HMCN1: variants seen among roughly 807,000 people sequenced by gnomAD.
HMCN1 encodes the protein hemicentin 1, also known as hemicentin-1.
In HMCN1, 321 loss-of-function variants were observed where a neutral mutation model predicts 625.9. That is an observed-to-expected ratio of 0.51 (90% CI 0.47 to 0.56). The LOEUF (loss-of-function observed/expected upper bound fraction) is 0.56, where lower values mean the gene tolerates loss of function less well. Among genes scored for constraint, HMCN1 ranks in the 20% least tolerant of loss-of-function variants. The pLI, the probability that HMCN1 is intolerant of heterozygous loss-of-function variation, is 0.00. For missense variants in HMCN1, 6,588 were observed against 6,887.3 expected (o/e 0.96, Z 1.54); for synonymous variants, 2,425 against 2,417.6 (o/e 1.00, Z -0.09).
At chr1:185,755,828 G>A (rs1043027675) in intron 1 of HMCN1, among the ~76,000 whole-genome samples, 1 of 152,158 alleles carries the variant, frequency 6.6e-6, no homozygotes, top group Non-Finnish European at 1.5e-5. Flanking sequence ...CCTATGAGTG[G>A]AGCAAAGGAG....
Position 186,088,766 on chromosome 1 carries a change from T to G in HMCN1, c.9727+11T>G, listed in dbSNP as rs900988724. The stretch of plus-strand genomic sequence containing the variant: ...TTCTTTCAATTCAAGGTATGTATTG[T>G]CCACTATGATCTATCTTCAATTTCT... On this transcript the variant is annotated intron_variant, in intron 63 of 106. Transcript: ENST00000271588. 4 of 1,600,718 alleles carry G rather than the reference T, an allele frequency of 2.5e-6. No individual in the cohort carries two copies. The highest frequency in any genetic ancestry group is 1.7e-6 in the Non-Finnish European group (2 of 1,170,888).
intron 30 of HMCN1, among the ~76,000 whole-genome samples, chr1:186,011,237 G>C (rs1384685920): frequency 6.6e-6 from 1 of 152,068 alleles, no homozygotes; most frequent in Non-Finnish European, 1.5e-5. Flanking sequence ...ATTAGAGATG[G>C]CATTTCACTG....
intron 1 of HMCN1, among the ~76,000 whole-genome samples, chr1:185,746,486 A>G (rs1331682829): frequency 1.3e-5 from 2 of 152,186 alleles, no homozygotes; most frequent in African/African-American, 4.8e-5. Context: ...CTGTCTCCCA[A>G]CTTCTAGTGG....
chr1:185,906,512 T>C (rs1315398157), intron 4 of HMCN1, among the ~76,000 whole-genome samples: 3 of 151,852 alleles, frequency 2.0e-5, no homozygotes, highest in African/African-American at 7.2e-5. Context: ...TTCCTATGAA[T>C]ACTCAAGACT....
Position 185,888,928 on chromosome 1 carries a change from T to C in HMCN1, c.622-20409T>C, listed in dbSNP as rs1343810128. Among the ~76,000 whole-genome samples the C allele has an allele frequency of 2.0e-5, 3 of 147,832 alleles. 1 individual carries two copies. The highest frequency in any genetic ancestry group is 5.4e-5 in the African/African-American group (2 of 37,178). On this transcript the variant is annotated intron_variant, in intron 4 of 106. Transcript: ENST00000271588. ...ATGGCCATTTTCACGATATTGATTC[T>C]TTCTACCCATGAGCATGGAATGTTC...
At chr1:185,862,466 A>G (rs546819081) in intron 2 of HMCN1, among the ~76,000 whole-genome samples, 1 of 152,294 alleles carries the variant, frequency 6.6e-6, no homozygotes, top group South Asian at 2.1e-4. Flanking sequence ...GAAACCAAAT[A>G]TCTATGCAGA....
At chr1:186,000,752 T>C (rs896009933) in intron 26 of HMCN1, among the ~76,000 whole-genome samples, 1 of 152,098 alleles carries the variant, frequency 6.6e-6, no homozygotes, top group African/African-American at 2.4e-5. Flanking sequence ...TTATTTAATG[T>C]TCCTAACTGT....
rs1181089989 is a variant in HMCN1, at chr1:185,802,048, A to T, written c.269-43978A>T. On this transcript the variant is annotated intron_variant, in intron 1 of 106. Transcript: ENST00000271588. The stretch of plus-strand genomic sequence containing the variant: ...ACATACCCTAGGTTCTCTGAGAGAT[A>T]AAAAGGACTAAGGTTGTGGTTGAGG... Among the ~76,000 whole-genome samples, 4 of 152,144 alleles carry T rather than the reference A, an allele frequency of 2.6e-5. No individual in the cohort carries two copies. In the East Asian group the frequency reaches 5.8e-4, roughly 22 times the overall value.
At chr1:186,055,347 C>T (rs1036055251) in intron 44 of HMCN1, 46 bp from the exon 45 acceptor site, 16 of 1,581,668 alleles carry the variant, frequency 1.0e-5, no homozygotes, top group Non-Finnish European at 1.4e-5. Context: ...AGACTTGAAG[C>T]AAACATTTCC....
intron 36 of HMCN1, among the ~76,000 whole-genome samples, chr1:186,028,723 A>ATTTTT (rs1221126852): frequency 1.3e-3 from 124 of 98,508 alleles, no homozygotes; most frequent in African/African-American, 6.6e-3. Context: ...TTTCTAAAGC[A>ATTTTT]TATTTTTTTT....
At chr1:186,133,795 T>C (rs1039817678) in intron 86 of HMCN1, among the ~76,000 whole-genome samples, 1 of 140,502 alleles carries the variant, frequency 7.1e-6, no homozygotes, top group Non-Finnish European at 1.5e-5. Flanking sequence ...TAGGGTTCTA[T>C]GTTCAAACAA....
chr1:185,997,866 A>C (rs1181228803), intron 25 of HMCN1, among the ~76,000 whole-genome samples: 1 of 151,816 alleles, frequency 6.6e-6, no homozygotes. Flanking sequence ...AGCTATTCAA[A>C]ATATTCCATA....
At chr1:185,828,831 T>C (rs55683049) in intron 1 of HMCN1, among the ~76,000 whole-genome samples, 10,189 of 152,012 alleles carry the variant, frequency 0.067, 1,143 homozygotes, top group African/African-American at 0.23. Context: ...AATATAAACA[T>C]GACATATCAG....
rs768201138 is a variant in HMCN1 at position 185,909,556 on chromosome 1, G to A, written c.793+48G>A. ...TAATAAAATACAAAATACATAGAGG[G>A]TAAAATACTTTTCACACACTTGTTT... On this transcript the variant is annotated intron_variant, in intron 5 of 106. Coordinates refer to ENST00000271588, the MANE Select transcript of HMCN1 (RefSeq NM_031935.3). The A allele has an allele frequency of 3.3e-6, 5 of 1,507,480 alleles. No homozygotes were observed. The South Asian group carries it at 4.5e-5, about 14-fold the overall frequency. The allele number at this position is 1,507,480 out of a possible 1,614,324, so 93.4% of individuals were successfully genotyped here. A position where few individuals can be genotyped will look rare whatever the true frequency, so the allele number is the denominator to read the frequency against.
intron 103 of HMCN1, among the ~76,000 whole-genome samples, chr1:186,177,764 CAA>C (rs1337204149): frequency 2.6e-5 from 4 of 151,792 alleles, no homozygotes; most frequent in East Asian, 3.9e-4. Context: ...AGAGAAAAAA[CAA>C]GAGAGAAATT....
intron 63 of HMCN1, among the ~76,000 whole-genome samples, chr1:186,089,246 A>G (rs1659701496): frequency 6.6e-6 from 1 of 152,030 alleles, no homozygotes; most frequent in Non-Finnish European, 1.5e-5. Context: ...ATGTTCCAAC[A>G]TAGTATTAAG....
At chr1:186,108,092 T>C (rs959229689) in intron 70 of HMCN1, among the ~76,000 whole-genome samples, 4 of 149,518 alleles carry the variant, frequency 2.7e-5, no homozygotes, top group Non-Finnish European at 5.9e-5. Flanking sequence ...TATATTATGA[T>C]GGGCACTCCC....
At chr1:185,970,551 G>A in intron 15 of HMCN1, 58 bp downstream of exon 15, 1 of 1,413,482 alleles carries the variant, frequency 7.1e-7, no homozygotes, top group East Asian at 2.3e-5. Context: ...TATTTTTCAT[G>A]TTTAATAACC....
rs761931786 is a variant in HMCN1 at position 185,965,770 on chromosome 1, A to T, written c.2099-32A>T. 3.4e-6 allele frequency: 4 copies of T among 1,173,294 alleles called. No individual in the cohort carries two copies. In the East Asian group the frequency reaches 9.3e-5, roughly 27 times the overall value. The allele number at this position is 1,173,294 out of a possible 1,614,324, so 72.7% of individuals were successfully genotyped here. On this transcript the variant is annotated intron_variant, in intron 13 of 106. Transcript: ENST00000271588. ...CAAAATCCATCTGGTCTTGTGCTAA[A>T]TGTTGACTATTTGCGTTTTTGTTTT...
Sources: allele counts gnomAD v4.1 joint callset (sites outside exome capture counted in the v4.1 genomes callset), GRCh38; gene constraint gnomAD v4.1.1; transcripts MANE v1.5; gene names NCBI Gene and HGNC (gene_info 2026-07-23, HGNC 2026-07-21).